APC: variants seen among roughly 807,000 people sequenced by gnomAD.
The protein encoded by APC is adenomatous polyposis coli protein.
In APC, 72 loss-of-function variants were observed where a neutral mutation model predicts 247.0. The observed-to-expected ratio is 0.29, with a 90% CI of 0.24 to 0.35. The LOEUF (loss-of-function observed/expected upper bound fraction) is 0.35, where lower values mean the gene tolerates loss of function less well. Among genes scored for constraint, APC ranks in the 10% least tolerant of loss-of-function variants. The pLI is 1.00. For synonymous variants in APC, 1,254 were observed against 1,162.5 expected, an observed-to-expected ratio of 1.08 and a Z score of -1.60; for missense variants, 3,400 against 3,360.7, an observed-to-expected ratio of 1.01 and a Z score of -0.29.
intron 2 of APC, among the ~76,000 whole-genome samples, chr5:112,760,794 G>A (rs1020190183): frequency 2.0e-5 from 3 of 151,738 alleles, no homozygotes; most frequent in African/African-American, 7.3e-5. Context: ...ACTTAAAATT[G>A]CAACTAGGTC....
At chr5:112,748,229 A>G (rs1753901699) in intron 1 of APC, among the ~76,000 whole-genome samples, 2 of 152,180 alleles carry the variant, frequency 1.3e-5, no homozygotes, top group South Asian at 4.1e-4. Context: ...GTGGGGAAAG[A>G]ATATGGCAAA....
At chr5:112,761,663 A>G (rs1268312054) in intron 2 of APC, among the ~76,000 whole-genome samples, 1 of 152,224 alleles carries the variant, frequency 6.6e-6, no homozygotes, top group African/African-American at 2.4e-5. Context: ...CATAGGTAAT[A>G]GCTTCTTGTC....
At chr5:112,762,623 T>C (rs1755797891) in intron 2 of APC, among the ~76,000 whole-genome samples, 1 of 152,190 alleles carries the variant, frequency 6.6e-6, no homozygotes, top group Admixed American at 6.5e-5. Context: ...TCCATTTATA[T>C]GAAGGTCAAG....
intron 1 of APC, among the ~76,000 whole-genome samples, chr5:112,726,977 A>T (rs415045): frequency 0.99 from 150,089 of 152,260 alleles, 74,017 homozygotes; most frequent in Middle Eastern, 1. Flanking sequence ...ATGAACGCCT[A>T]TATTAGGTGA....
intron 1 of APC, among the ~76,000 whole-genome samples, chr5:112,711,315 TCATCCTGAAAC>T (rs1190081989): frequency 6.6e-6 from 1 of 152,206 alleles, no homozygotes; most frequent in Non-Finnish European, 1.5e-5. Flanking sequence ...TGGAACATTT[TCATCCTGAAAC>T]CATCCCCCAC....
chr5:112,821,517 TG>T (rs1262246845), intron 10 of APC, among the ~76,000 whole-genome samples: 1 of 151,874 alleles, frequency 6.6e-6, no homozygotes, highest in Non-Finnish European at 1.5e-5. Flanking sequence ...TTTTTTTTGT[TG>T]TTTTTTTAAA....
chr5:112,845,560 A>T lies in APC; in HGVS notation c.*1434A>T, dbSNP rs753037717. Reference sequence around the variant, plus strand: ...GCCATGCTCAGAAAATTCAAATCACATGGAACTTTAGAGGTAGATTTAATA... The same window carrying T: ...GCCATGCTCAGAAAATTCAAATCACTTGGAACTTTAGAGGTAGATTTAATA... On this transcript the variant is annotated 3_prime_UTR_variant, in exon 16 of 16. Coordinates refer to ENST00000257430, the MANE Select transcript of APC (RefSeq NM_000038.6). 4.3e-6 allele frequency: 1 copy of T among 232,734 alleles called. No homozygotes were observed. Among genetic ancestry groups the T allele is most frequent in the East Asian group, 6.1e-5 (1 of 16,484 alleles). 14.4% of individuals were successfully genotyped at this position (232,734 alleles called of 1,614,324 possible). A position where few individuals can be genotyped will look rare whatever the true frequency, so the allele number is the denominator to read the frequency against.
At chr5:112,833,159 G>A (rs1455804835) in intron 14 of APC, among the ~76,000 whole-genome samples, 5 of 150,228 alleles carry the variant, frequency 3.3e-5, no homozygotes, top group African/African-American at 7.4e-5. Flanking sequence ...ACCTATAGGT[G>A]TGCACCACCA....
rs1057517556 is a variant in APC, at chr5:112,707,899, G to T, written c.165+17G>T. On this transcript the variant is annotated intron_variant, in intron 1 of 13. Transcript: ENST00000507379. The stretch of plus-strand genomic sequence containing the variant: ...GTCTGGCAGGTGAGTGAGGCTGCAG[G>T]CATTGACGTCTCCTCCCGGCAAAGC... 7.4e-7 allele frequency: 1 copy of T among 1,358,904 alleles called. No homozygotes were observed. The allele number at this position is 1,358,904 out of a possible 1,614,324, so 84.2% of individuals were successfully genotyped here. A position where few individuals can be genotyped will look rare whatever the true frequency, so the allele number is the denominator to read the frequency against.
At chr5:112,742,207 T>C (rs1173939675) in intron 1 of APC, among the ~76,000 whole-genome samples, 1 of 152,216 alleles carries the variant, frequency 6.6e-6, no homozygotes, top group Admixed American at 6.5e-5. Flanking sequence ...CATTTTACTT[T>C]ATGTCCATCT....
At chr5:112,828,091 A>C in intron 13 of APC, 85 bp downstream of exon 13, 1 of 1,129,286 alleles carries the variant, frequency 8.9e-7, no homozygotes, top group Non-Finnish European at 1.3e-6. Context: ...CTTAGAGGGC[A>C]GTTGTGCAAT....
chr5:112,834,193 C>G lies in APC; in HGVS notation c.1744-758C>G, dbSNP rs76577654. ...CTAAACTCCCAGTCACGCCAGTCAG[C>G]CTTCCAAAGTGCTGGGATTACAGGC... On this transcript the variant is annotated intron_variant, in intron 14 of 15. Transcript: ENST00000257430. Among the ~76,000 whole-genome samples the G allele has an allele frequency of 0.055, 8,342 of 150,890 alleles. 438 individuals are homozygous for G. The highest frequency in any genetic ancestry group is 0.15 in the East Asian group (785 of 5,122).
At chr5:112,818,015 T>C (rs1762683220) in intron 9 of APC, among the ~76,000 whole-genome samples, 1 of 152,204 alleles carries the variant, frequency 6.6e-6, no homozygotes, top group African/African-American at 2.4e-5. Context: ...GATAATTCTT[T>C]GTTGCATTCT....
At chr5:112,820,866 T>C (rs1331957038) in intron 10 of APC, among the ~76,000 whole-genome samples, 1 of 152,098 alleles carries the variant, frequency 6.6e-6, no homozygotes, top group East Asian at 1.9e-4. Context: ...ATGCTTTTTT[T>C]CTCTGTTTGT....
intron 8 of APC, chr5:112,810,107 A>T (rs760878059): frequency 4.4e-6 from 2 of 456,078 alleles, no homozygotes; most frequent in East Asian, 1.4e-4. Context: ...TTGAGAGAAA[A>T]TTTATTTCTG....
intron 2 of APC, among the ~76,000 whole-genome samples, chr5:112,765,156 G>A (rs1056606653): frequency 3.3e-5 from 5 of 152,288 alleles, no homozygotes; most frequent in African/African-American, 1.2e-4. Context: ...CCAGGCTGGA[G>A]TGCAGTGGTG....
intron 1 of APC, among the ~76,000 whole-genome samples, chr5:112,717,541 G>A (rs1173395585): frequency 6.6e-6 from 1 of 152,028 alleles, no homozygotes; most frequent in East Asian, 1.9e-4. Flanking sequence ...AGTCTTAAAG[G>A]ATATTTTTGC....
At chr5:112,827,338 T>C in intron 12 of APC, 91 bp downstream of exon 12, 1 of 1,373,990 alleles carries the variant, frequency 7.3e-7, no homozygotes, top group Non-Finnish European at 1.0e-6. Flanking sequence ...TTCTTTTTTT[T>C]CACTCTCCTC....
chr5:112,822,061 G>A, intron 11 of APC, 70 bp downstream of exon 11: 1 of 1,037,578 alleles, frequency 9.6e-7, no homozygotes, highest in Non-Finnish European at 1.5e-6. Flanking sequence ...TAGAAATTCA[G>A]TATAGTAAAT....
Sources: gnomAD v4.1 joint callset for allele counts (sites outside exome capture counted in the v4.1 genomes callset) on GRCh38, gnomAD v4.1.1 for gene constraint, MANE v1.5 for transcripts, NCBI Gene and HGNC (gene_info 2026-07-23, HGNC 2026-07-21) for gene names.